Variants in ZNF526 observed in about 807,000 individuals in gnomAD.
The protein encoded by ZNF526 is zinc finger protein 526.
A neutral mutation model predicts 32.4 loss-of-function variants in ZNF526; 16 were observed. The observed-to-expected ratio is 0.49, with a 90% CI of 0.33 to 0.75. ZNF526 has a LOEUF of 0.75. Ranked by LOEUF, ZNF526 falls within the 30% of genes least tolerant of loss-of-function variation. The pLI, the probability that ZNF526 is intolerant of heterozygous loss-of-function variation, is 0.02. For missense variants in ZNF526, 838 were observed against 920.7 expected (o/e 0.91, Z 1.16); for synonymous variants, 355 against 363.4 (o/e 0.98, Z 0.26).
rs1282459418 is a variant in ZNF526 at position 42,225,475 on chromosome 19, G to T, written c.1072G>T (p.Ala358Ser). 1.2e-6 allele frequency: 2 copies of T among 1,613,996 alleles called. No homozygotes were observed. The highest frequency in any genetic ancestry group is 2.7e-5 in the African/African-American group (2 of 74,956). The change falls in exon 3 of 3, where the codon GCC becomes TCC. Residue 358 changes from alanine to serine, a missense_variant. Ala to Ser is a moderately conservative substitution (Grantham distance 99). Coordinates refer to ENST00000301215, the MANE Select transcript of ZNF526 (RefSeq NM_133444.3). Reference sequence around the variant, plus strand: ...GCACTTGCGGCTGCATCGCGGGGAAGCCCGCTACCTCTGTGTAGACTGTGG... The same window carrying T: ...GCACTTGCGGCTGCATCGCGGGGAATCCCGCTACCTCTGTGTAGACTGTGG... ...EQHLRLHRGE[A>S]RYLCVDCGRG...
chr19:42,224,346 G>T, intron 2 of ZNF526, 41 bp downstream of exon 2: 2 of 1,509,194 alleles, frequency 1.3e-6, no homozygotes, highest in Non-Finnish European at 1.8e-6. Context: ...CCTCCCCTTG[G>T]TTTCCTGCTG....
chr19:42,225,662 C>G lies in ZNF526; in HGVS notation c.1259C>G (p.Ala420Gly). Residue 420 changes from alanine to glycine, a missense_variant, in exon 3 of 3, where the codon GCA becomes GGA. Ala to Gly is a moderately conservative substitution (Grantham distance 60, BLOSUM62 0). Coordinates refer to ENST00000301215, the MANE Select transcript of ZNF526 (RefSeq NM_133444.3). ...AAAAGCGGGGCACCTCCCACAGGAG[C>G]AACAGCTCCCCCAGCTCCAGCGGAG... is the stretch of plus-strand genomic sequence containing the variant. ...AGKSGAPPTG[A>G]TAPPAPAEPT... is the part of the protein sequence containing the mutation. 6.2e-7 allele frequency: 1 copy of G among 1,613,438 alleles called. No homozygotes were observed. The highest frequency in any genetic ancestry group is 2.2e-5 in the East Asian group (1 of 44,848).
intron 1 of ZNF526, among the ~76,000 whole-genome samples, chr19:42,221,229 T>C (rs11882103): frequency 0.038 from 5,801 of 152,210 alleles, 380 homozygotes; most frequent in African/African-American, 0.13. Context: ...GGCAGTGGCT[T>C]ACACCTCTAA....
Position 42,224,738 on chromosome 19 carries a change from A to C in ZNF526, c.335A>C (p.Glu112Ala), listed in dbSNP as rs752632968. The C allele has an allele frequency of 1.9e-6, 3 of 1,614,028 alleles. No homozygotes were observed. The Admixed American group carries it at 5.0e-5, about 27-fold the overall frequency. ...PGAEGPFQCG[E>A]CSQLILSPGE... ...GCTGAGGGGCCCTTCCAGTGTGGTGAATGCAGCCAGCTCATCCTCTCCCCT... is the reference window on the plus strand; with the variant it reads ...GCTGAGGGGCCCTTCCAGTGTGGTGCATGCAGCCAGCTCATCCTCTCCCCT... Residue 112 changes from glutamate (E) to alanine (A), a missense_variant, in exon 3 of 3, where the codon GAA (glutamate) becomes GCA (alanine). By Grantham distance (107) the Glu-to-Ala change is moderately radical. Coordinates refer to ENST00000301215, the MANE Select transcript of ZNF526 (RefSeq NM_133444.3).
At position 42,225,861 on chromosome 19, in the gene ZNF526, C is replaced by T. The variant is rs145696319; in HGVS notation, c.1458C>T (p.His486=). 1.5e-4 allele frequency: 237 copies of T among 1,614,064 alleles called. No homozygotes were observed. Among genetic ancestry groups the T allele is most frequent in the Middle Eastern group, 4.9e-4 (3 of 6,084 alleles). The change falls in exon 3 of 3, where the codon CAC becomes CAT. Residue 486 remains histidine (H), a synonymous_variant. Coordinates refer to ENST00000301215, the MANE Select transcript of ZNF526 (RefSeq NM_133444.3). The part of the protein sequence containing the change: ...VCGKGFKKLI[H]VRNHLRTHTG... ...GCAAGGGCTTCAAGAAGCTGATCCA[C>T]GTGCGCAACCACCTGCGGACACACA...
intron 1 of ZNF526, among the ~76,000 whole-genome samples, chr19:42,221,802 G>A (rs940495847): frequency 1.3e-5 from 2 of 150,320 alleles, no homozygotes; most frequent in Non-Finnish European, 1.5e-5. Flanking sequence ...GGGCAACAGA[G>A]TGAGACCCTG....
chr19:42,224,589 T>C lies in ZNF526; in HGVS notation c.186T>C (p.Cys62=). The C allele has an allele frequency of 1.2e-6, 2 of 1,614,254 alleles. No homozygotes were observed. Among genetic ancestry groups the C allele is most frequent in the Non-Finnish European group, 1.7e-6 (2 of 1,180,038 alleles). ...ATCACCAGTTCATGTGCTCTGAGTG[T>C]GGCAGCCTCTATAACACACTGGAGG... is the stretch of plus-strand genomic sequence containing the variant. ...FQHHQFMCSE[C]GSLYNTLEEV... Residue 62 remains cysteine (C), a synonymous_variant, in exon 3 of 3, where the codon TGT becomes TGC. Transcript: ENST00000301215.
At position 42,224,014 on chromosome 19, in the gene ZNF526, C is replaced by A. The variant is rs1486185293; in HGVS notation, c.-108-201C>A. On this transcript the variant is annotated intron_variant, in intron 1 of 2. Coordinates refer to ENST00000301215, the MANE Select transcript of ZNF526 (RefSeq NM_133444.3). ...ATATATATATATATACAAAAATTAG[C>A]CAGGCATGGTGGCACACCCCTGTAG... Among the ~76,000 whole-genome samples the A allele has an allele frequency of 2.9e-4, 38 of 130,652 alleles. No homozygotes were observed. In the Admixed American group the frequency reaches 3.0e-3, roughly 10 times the overall value. The allele number at this position is 130,652 out of a possible 152,430, so 85.7% of individuals were successfully genotyped here.
In ZNF526 at chr19:42,224,708, C is replaced by T. The variant is rs780497404; in HGVS notation, c.305C>T (p.Pro102Leu). The T allele has an allele frequency of 5.0e-6, 8 of 1,614,036 alleles. No individual in the cohort carries two copies. The highest frequency in any genetic ancestry group is 2.2e-5 in the South Asian group (2 of 91,090). Residue 102 changes from proline (P) to leucine (L), a missense_variant, in exon 3 of 3, where the codon CCG becomes CTG. Physicochemically the swap from Pro to Leu is moderately conservative, Grantham distance 98. Coordinates refer to ENST00000301215, the MANE Select transcript of ZNF526 (RefSeq NM_133444.3). ...GTTGGCCTGGAGCCGGAGCTGGTGC[C>T]GGGTGCTGAGGGGCCCTTCCAGTGT... ...QNVGLEPELV[P>L]GAEGPFQCGE...
At chr19:42,223,545 C>T (rs1264299107) in intron 1 of ZNF526, among the ~76,000 whole-genome samples, 1 of 151,074 alleles carries the variant, frequency 6.6e-6, no homozygotes, top group Non-Finnish European at 1.5e-5. Flanking sequence ...GGAGGCTGAG[C>T]CAGGAGAATG....
chr19:42,220,661 G>C (rs371633681), intron 1 of ZNF526: 1 of 152,184 alleles, frequency 6.6e-6, no homozygotes. Flanking sequence ...TGTAAAGCGG[G>C]AAAGTTGAAT....
In ZNF526 at chr19:42,228,074, T is replaced by C. The variant is rs991239704; in HGVS notation, c.*1658T>C. The C allele has an allele frequency of 6.6e-6, 1 of 151,852 alleles. No homozygotes were observed. Among genetic ancestry groups the C allele is most frequent in the African/African-American group, 2.4e-5 (1 of 41,310 alleles). The allele number at this position is 151,852 out of a possible 1,614,324, so 9.4% of individuals were successfully genotyped here. A position where few individuals can be genotyped will look rare whatever the true frequency, so the allele number is the denominator to read the frequency against. On this transcript the variant is annotated 3_prime_UTR_variant, in exon 3 of 3. Transcript: ENST00000301215. The stretch of plus-strand genomic sequence containing the variant: ...GGCCGAGCATGGTGGTGCACACCAG[T>C]ATTCCCAGCTACTCTGGAGGCTGAG...
At chr19:42,223,205 G>A (rs1350437083) in intron 1 of ZNF526, among the ~76,000 whole-genome samples, 2 of 152,206 alleles carry the variant, frequency 1.3e-5, no homozygotes, top group African/African-American at 2.4e-5. Context: ...TGGCCCTCTC[G>A]GTAAAGAGGC....
chr19:42,225,691 A>ACCCCACCCCCCCCCCCCC lies in ZNF526; in HGVS notation c.1292_1293insACCCCCCCCCCCCCCCCC (p.Pro431_Pro436dup). On this transcript the variant is annotated inframe_insertion, in exon 3 of 3. Transcript: ENST00000301215. The stretch of plus-strand genomic sequence containing the variant: ...AGCTCCCCCAGCTCCAGCGGAGCCC[A>ACCCCACCCCCCCCCCCCC]CCCCTCCACCACCACCCCCTGCCCC... The ACCCCACCCCCCCCCCCCC allele has an allele frequency of 1.0e-6, 1 of 1,000,172 alleles. No individual in the cohort carries two copies. The highest frequency in any genetic ancestry group is 1.4e-6 in the Non-Finnish European group (1 of 707,370). 62.0% of individuals were successfully genotyped at this position (1,000,172 alleles called of 1,614,324 possible).
intron 1 of ZNF526, among the ~76,000 whole-genome samples, chr19:42,222,264 T>G (rs1409858520): frequency 1.3e-5 from 2 of 151,960 alleles, no homozygotes; most frequent in Admixed American, 6.6e-5. Context: ...TTTTTGTATT[T>G]TTTTTAGTAG....
Position 42,226,296 on chromosome 19 carries a change from C to G in ZNF526, c.1893C>G (p.Thr631=), listed in dbSNP as rs768856134. 4 of 1,614,166 alleles carry G rather than the reference C, an allele frequency of 2.5e-6. No homozygotes were observed. Among genetic ancestry groups the G allele is most frequent in the Non-Finnish European group, 3.4e-6 (4 of 1,180,034 alleles). Residue 631 remains threonine, a synonymous_variant, in exon 3 of 3, where the codon ACC becomes ACG. Transcript: ENST00000301215. ...QTIMCTELGE[T]IAIIETSQPL... ...TCATGTGCACAGAGCTGGGGGAGAC[C>G]ATCGCCATCATTGAGACATCCCAGC...
chr19:42,222,001 C>T (rs895112678), intron 1 of ZNF526, among the ~76,000 whole-genome samples: 50 of 151,980 alleles, frequency 3.3e-4, no homozygotes, highest in African/African-American at 1.2e-3. Flanking sequence ...GTACTGTGTG[C>T]TAGACATTGT....
In ZNF526 at chr19:42,225,469, G is replaced by C. The variant is rs1033207561; in HGVS notation, c.1066G>C (p.Gly356Arg). Residue 356 changes from glycine to arginine, a missense_variant, in exon 3 of 3, where the codon GGG becomes CGG. Physicochemically the swap from Gly to Arg is moderately radical, Grantham distance 125. Transcript: ENST00000301215. ...TGAGCAGCACTTGCGGCTGCATCGCGGGGAAGCCCGCTACCTCTGTGTAGA... is the reference window on the plus strand; with the variant it reads ...TGAGCAGCACTTGCGGCTGCATCGCCGGGAAGCCCGCTACCTCTGTGTAGA... ...SLEQHLRLHR[G>R]EARYLCVDCG... is the part of the protein sequence containing the mutation. 1.9e-6 allele frequency: 3 copies of C among 1,614,094 alleles called. No individual in the cohort carries two copies. Among genetic ancestry groups the C allele is most frequent in the Non-Finnish European group, 2.5e-6 (3 of 1,180,040 alleles).
In ZNF526 at chr19:42,225,281, G is replaced by A. The variant is rs773486582; in HGVS notation, c.878G>A (p.Arg293Gln). 48 of 1,612,972 alleles carry A rather than the reference G, an allele frequency of 3.0e-5. No individual in the cohort carries two copies. Among genetic ancestry groups the A allele is most frequent in the South Asian group, 5.5e-5 (5 of 91,046 alleles). ...PSAGARRQHR[R>Q]TAHSPASATH... is the part of the protein sequence containing the mutation. ...GCAGGGGCTCGCCGGCAACACCGGC[G>A]GACGGCTCACAGCCCGGCATCTGCC... Residue 293 changes from arginine to glutamine, a missense_variant, in exon 3 of 3, where the codon CGG becomes CAG. Coordinates refer to ENST00000301215, the MANE Select transcript of ZNF526 (RefSeq NM_133444.3).
Sources: gnomAD v4.1 joint callset for allele counts (sites outside exome capture counted in the v4.1 genomes callset) on GRCh38, gnomAD v4.1.1 for gene constraint, MANE v1.5 for transcripts, NCBI Gene and HGNC (gene_info 2026-07-23, HGNC 2026-07-21) for gene names.